PKIB: variants seen among roughly 807,000 people sequenced by gnomAD.
PKIB encodes cAMP-dependent protein kinase inhibitor beta, also known as PKI-beta.
A neutral mutation model predicts 4.5 loss-of-function variants in PKIB; 2 were observed. The observed-to-expected ratio is 0.44, with a 90% CI of 0.18 to 1.39. The LOEUF (loss-of-function observed/expected upper bound fraction) is 1.39, where lower values mean the gene tolerates loss of function less well. Among genes scored for constraint, PKIB ranks in the 40% most tolerant of loss-of-function variants. The pLI is 0.27. For synonymous variants in PKIB, 38 were observed against 36.0 expected (o/e 1.06, Z -0.20); for missense variants, 94 against 92.6 (o/e 1.02, Z -0.06).
intron 2 of PKIB, among the ~76,000 whole-genome samples, chr6:122,577,925 AAAGAAAAG>A (rs936143583): frequency 8.6e-5 from 13 of 151,708 alleles, no homozygotes; most frequent in African/African-American, 3.1e-4. Context: ...AAAAAAAAGA[AAAGAAAAG>A]AAAAAAGAAA....
intron 2 of PKIB, among the ~76,000 whole-genome samples, chr6:122,556,109 T>A (rs1772830375): frequency 6.6e-6 from 1 of 152,212 alleles, no homozygotes; most frequent in South Asian, 2.1e-4. Context: ...GGGCAGTTCC[T>A]CCATGCTCTT....
intron 2 of PKIB, among the ~76,000 whole-genome samples, chr6:122,519,364 T>C (rs1343653029): frequency 6.6e-6 from 1 of 152,172 alleles, no homozygotes; most frequent in Admixed American, 6.5e-5. Context: ...TGTATAATTG[T>C]TTCATTATAT....
chr6:122,681,700 ATAATT>A (rs1777901538), intron 3 of PKIB, among the ~76,000 whole-genome samples: 1 of 152,224 alleles, frequency 6.6e-6, no homozygotes, highest in Non-Finnish European at 1.5e-5. Flanking sequence ...AAAATATGTC[ATAATT>A]TACTTTAAAT....
At chr6:122,689,309 T>C (rs566118911) in intron 3 of PKIB, among the ~76,000 whole-genome samples, 23 of 152,270 alleles carry the variant, frequency 1.5e-4, no homozygotes, top group Non-Finnish European at 2.4e-4. Flanking sequence ...TAATTGTGGG[T>C]TCAGTTTTCT....
At chr6:122,634,704 C>A (rs1448396973) in intron 2 of PKIB, among the ~76,000 whole-genome samples, 1 of 152,150 alleles carries the variant, frequency 6.6e-6, no homozygotes, top group Non-Finnish European at 1.5e-5. Context: ...GCAATAGGTT[C>A]ATTCCCATGG....
chr6:122,503,532 TTCTC>T (rs1466255744), intron 2 of PKIB, among the ~76,000 whole-genome samples: 1 of 152,212 alleles, frequency 6.6e-6, no homozygotes, highest in Non-Finnish European at 1.5e-5. Flanking sequence ...GATTATCTCT[TTCTC>T]TATCACTTAT....
intron 3 of PKIB, among the ~76,000 whole-genome samples, chr6:122,688,824 A>G (rs1366205449): frequency 1.4e-5 from 2 of 145,428 alleles, no homozygotes; most frequent in Non-Finnish European, 3.0e-5. Flanking sequence ...TCTGTCGCCC[A>G]GGCTGGAGTG....
chr6:122,642,972 T>C (rs1562282190), intron 2 of PKIB, among the ~76,000 whole-genome samples: 2 of 152,296 alleles, frequency 1.3e-5, no homozygotes, highest in Non-Finnish European at 2.9e-5. Flanking sequence ...ATTAAAAGGA[T>C]TGCAGATTTT....
chr6:122,713,523 C>T (rs1310207679), intron 3 of PKIB, among the ~76,000 whole-genome samples: 3 of 152,016 alleles, frequency 2.0e-5, no homozygotes, highest in Admixed American at 6.6e-5. Context: ...ATATGTATAT[C>T]GCCCCTTTTA....
At chr6:122,492,775 G>GTTTTTTTTTTT (rs11376307) in intron 2 of PKIB, among the ~76,000 whole-genome samples, 1 of 146,834 alleles carries the variant, frequency 6.8e-6, no homozygotes, top group Non-Finnish European at 1.5e-5. Flanking sequence ...AAGAGAAAGA[G>GTTTTTTTTTTT]TTTTTTTTTT....
intron 1 of PKIB, among the ~76,000 whole-genome samples, chr6:122,473,131 A>G (rs1272161568): frequency 4.5e-4 from 69 of 152,240 alleles, no homozygotes; most frequent in Admixed American, 4.5e-3. Flanking sequence ...AATAGTGGAA[A>G]TGGAAATTAC....
At chr6:122,509,366 T>C (rs1379439169) in intron 2 of PKIB, among the ~76,000 whole-genome samples, 3 of 152,204 alleles carry the variant, frequency 2.0e-5, no homozygotes, top group African/African-American at 4.8e-5. Context: ...GTATTGGAAC[T>C]ACAATCTTAT....
At chr6:122,698,679 A>G (rs1262029612) in intron 3 of PKIB, among the ~76,000 whole-genome samples, 1 of 152,112 alleles carries the variant, frequency 6.6e-6, no homozygotes, top group Non-Finnish European at 1.5e-5. Flanking sequence ...TGTTGATTTC[A>G]TTTTGGACAG....
intron 2 of PKIB, among the ~76,000 whole-genome samples, chr6:122,580,927 A>C (rs1773684390): frequency 6.6e-6 from 1 of 152,156 alleles, no homozygotes. Flanking sequence ...TGATGGGGAA[A>C]CAGTCATTAT....
At position 122,542,011 on chromosome 6, in the gene PKIB, C is replaced by T. The variant is rs915961606; in HGVS notation, c.-247-43910C>T. Among the ~76,000 whole-genome samples the T allele has an allele frequency of 2.6e-5, 4 of 152,032 alleles. No homozygotes were observed. The East Asian group carries it at 5.8e-4, about 22-fold the overall frequency. ...GCTTCTGCATTCTTCACTTAATTCT[C>T]GAGCCTTGGCTTTCAGCTCCATCAG... On this transcript the variant is annotated intron_variant, in intron 2 of 6. Coordinates refer to the PKIB transcript ENST00000392491.
At chr6:122,532,466 A>G (rs1190873102) in intron 2 of PKIB, among the ~76,000 whole-genome samples, 1 of 152,274 alleles carries the variant, frequency 6.6e-6, no homozygotes, top group South Asian at 2.1e-4. Context: ...TTGTGTAATC[A>G]TCACCACTAT....
chr6:122,485,012 A>G (rs1186923604), intron 2 of PKIB, among the ~76,000 whole-genome samples: 2 of 152,138 alleles, frequency 1.3e-5, no homozygotes, highest in South Asian at 2.1e-4. Flanking sequence ...TAATCAATCT[A>G]GTTGTTTCTG....
chr6:122,704,753 T>TG (rs59142997), intron 3 of PKIB, among the ~76,000 whole-genome samples: 9 of 151,608 alleles, frequency 5.9e-5, no homozygotes, highest in Non-Finnish European at 1.2e-4. Flanking sequence ...TGTGTGTGTG[T>TG]TTATGTTTAG....
In PKIB at chr6:122,689,868, A is replaced by G. The variant is rs182665411; in HGVS notation, c.-9+14724A>G. Among the ~76,000 whole-genome samples the G allele has an allele frequency of 2.0e-5, 3 of 152,278 alleles. No individual in the cohort carries two copies. In the East Asian group the frequency reaches 5.8e-4, roughly 29 times the overall value. ...AAGTGGGATGTTGAAGTCTCCAGCT[A>G]TTATTATGTTGGGAGTCTATCTCTC... On this transcript the variant is annotated intron_variant, in intron 3 of 4. Transcript: ENST00000368452.
Sources: gnomAD v4.1 joint callset for allele counts (sites outside exome capture counted in the v4.1 genomes callset) on GRCh38, gnomAD v4.1.1 for gene constraint, MANE v1.5 for transcripts, NCBI Gene and HGNC (gene_info 2026-07-23, HGNC 2026-07-21) for gene names.